The following NOL6 variants were observed in gnomAD, a reference collection of about 807,000 sequenced individuals.
NOL6 encodes nucleolar RNA-associated protein.
Under a neutral mutation model 131.7 loss-of-function variants are expected in NOL6, and 33 were observed. That is an observed-to-expected ratio of 0.25 (90% CI 0.19 to 0.33). The LOEUF (loss-of-function observed/expected upper bound fraction) is 0.33, where lower values mean the gene tolerates loss of function less well. Among genes scored for constraint, NOL6 ranks in the 10% least tolerant of loss-of-function variants. NOL6 has a pLI of 1.00. For synonymous variants in NOL6, 580 were observed against 605.7 expected (o/e 0.96, Z 0.62); for missense variants, 1,297 against 1,494.5 (o/e 0.87, Z 2.18).
chr9:33,466,425 C>T lies in NOL6; in HGVS notation c.2092G>A (p.Val698Met). 6.2e-7 allele frequency: 1 copy of T among 1,614,128 alleles called. No individual in the cohort carries two copies. Among genetic ancestry groups the T allele is most frequent in the Non-Finnish European group, 8.5e-7 (1 of 1,180,010 alleles). ...GGACGGACTGGAGTTGGTGGGAACACCTGTGGAAGAAGAGGGGCTGAGGAA... is the reference window on the plus strand; with the variant it reads ...GGACGGACTGGAGTTGGTGGGAACATCTGTGGAAGAAGAGGGGCTGAGGAA... ...GAHPVLRYTE[V>M]FPPTPVRPAF... The change falls in exon 17 of 26, where the codon GTG becomes ATG. Residue 698 changes from valine to methionine, a missense_variant and splice_region_variant. Coordinates refer to ENST00000297990, the MANE Select transcript of NOL6 (RefSeq NM_022917.5).
Position 33,464,910 on chromosome 9 carries a change from G to C in NOL6, c.2748C>G (p.Pro916=). Residue 916 remains proline (P), a synonymous_variant, in exon 21 of 26, where the codon CCC becomes CCG. Transcript: ENST00000297990. ...LVSTFDWKNN[P]LFVNLNNELT... is the part of the protein sequence containing the mutation. The stretch of plus-strand genomic sequence containing the variant: ...GCTCATTATTGAGGTTGACAAAGAG[G>C]GGGTTGTTCTTCCAATCAAACGTTG... 8.7e-6 allele frequency: 14 copies of C among 1,613,984 alleles called. No homozygotes were observed. The highest frequency in any genetic ancestry group is 1.1e-5 in the Non-Finnish European group (13 of 1,179,940).
Position 33,463,075 on chromosome 9 carries a change from A to C in NOL6, c.3249T>G (p.Gly1083=), listed in dbSNP as rs1183142289. The C allele has an allele frequency of 1.2e-6, 2 of 1,613,804 alleles. No homozygotes were observed. Among genetic ancestry groups the C allele is most frequent in the East Asian group, 2.2e-5 (1 of 44,886 alleles). The part of the protein sequence containing the change: ...FYDQHGGEVI[G]VLWKPTSFQP... ...GGAAGCTGGTGGGCTTCCAGAGGAC[A>C]CCAATCACCTCTCCACCATGCTGGT... is the stretch of plus-strand genomic sequence containing the variant. Residue 1083 remains glycine (G), a synonymous_variant, in exon 25 of 26, where the codon GGT becomes GGG. Transcript: ENST00000297990.
rs887626791 is a variant in NOL6 at position 33,467,598 on chromosome 9, G to C, written c.1603-82C>G. On this transcript the variant is annotated intron_variant, in intron 12 of 25. Transcript: ENST00000297990. The surrounding 1 kb of genome is among the most constrained non-coding windows in gnomAD (Gnocchi z 4.4). ...ACCTACTTTCTAGCTAGCTAGAAAC[G>C]CCTAGCTGGAGGAATGGTGTGTCCT... 6.3e-7 allele frequency: 1 copy of C among 1,578,506 alleles called. No individual in the cohort carries two copies. Among genetic ancestry groups the C allele is most frequent in the African/African-American group, 1.4e-5 (1 of 73,962 alleles).
chr9:33,467,135 A>G lies in NOL6; in HGVS notation c.1853T>C (p.Val618Ala). 1 of 1,614,182 alleles carries G rather than the reference A, an allele frequency of 6.2e-7. No homozygotes were observed. Among genetic ancestry groups the G allele is most frequent in the Non-Finnish European group, 8.5e-7 (1 of 1,180,044 alleles). Residue 618 changes from valine to alanine, a missense_variant, in exon 14 of 26, where the codon GTG (valine) becomes GCG (alanine). Transcript: ENST00000297990. The surrounding 1 kb of genome is among the most constrained non-coding windows in gnomAD (Gnocchi z 4.4). ...MSQKRLIPHQ[V>A]VTHLLALHAD... ...TCACAGTGCCAAGAGGTGGGTGACC[A>G]CCTGGTGGGGAATAAGGCGCTTCTG...
In NOL6 at chr9:33,468,311, C is replaced by G; in HGVS notation, c.1308+10G>C. 1 of 1,613,104 alleles carries G rather than the reference C, an allele frequency of 6.2e-7. No homozygotes were observed. The highest frequency in any genetic ancestry group is 1.7e-4 in the Middle Eastern group (1 of 6,054). On this transcript the variant is annotated intron_variant, in intron 10 of 25. Transcript: ENST00000297990. ...CATCAGGGGAACACAGATTGGGGGC[C>G]CATTGGTACCTGGTGGTAAGTAGAG...
In NOL6 at chr9:33,466,413, T is replaced by A; in HGVS notation, c.2104A>T (p.Thr702Ser). The change falls in exon 17 of 26, where the codon ACT becomes TCT. Residue 702 changes from threonine to serine, a missense_variant. By Grantham distance (58) the Thr-to-Ser change is moderately conservative (BLOSUM62 1). Coordinates refer to ENST00000297990, the MANE Select transcript of NOL6 (RefSeq NM_022917.5). ...VLRYTEVFPP[T>S]PVRPAFSFYE... ...AAGGAGAAGGCTGGACGGACTGGAG[T>A]TGGTGGGAACACCTGTGGAAGAAGA... 1 of 1,613,632 alleles carries A rather than the reference T, an allele frequency of 6.2e-7. No homozygotes were observed. Among genetic ancestry groups the A allele is most frequent in the Non-Finnish European group, 8.5e-7 (1 of 1,179,872 alleles).
intron 3 of NOL6, chr9:33,470,777 A>G (rs537421551): frequency 1.9e-5 from 1 of 51,646 alleles, no homozygotes; most frequent in East Asian, 5.0e-4. Flanking sequence ...AGAGAGAGGA[A>G]AAGATTTAAA....
At chr9:33,463,519 C>G in intron 23 of NOL6, 78 bp from the exon 24 acceptor site, 1 of 1,337,146 alleles carries the variant, frequency 7.5e-7, no homozygotes, top group Non-Finnish European at 1.0e-6. Context: ...CACACGCCCA[C>G]CTTGGTTTCC....
chr9:33,466,651 C>G lies in NOL6; in HGVS notation c.2009G>C (p.Ser670Thr). The G allele has an allele frequency of 3.1e-6, 5 of 1,614,048 alleles. No homozygotes were observed. Among genetic ancestry groups the G allele is most frequent in the Admixed American group, 1.7e-5 (1 of 60,022 alleles). The change falls in exon 16 of 26, where the codon AGT becomes ACT. Residue 670 changes from serine to threonine, a missense_variant. Transcript: ENST00000297990. The stretch of plus-strand genomic sequence containing the variant: ...ACCCTCTAGCCCCCACAGTAGGCGA[C>G]TGAGGTCGTCGTAGCAACGTACCGC... ...VAAVRCYDDL[S>T]RLLWGLEGLP...
chr9:33,471,121 A>G (rs184630478), intron 3 of NOL6, among the ~76,000 whole-genome samples: 54 of 152,196 alleles, frequency 3.5e-4, no homozygotes, highest in African/African-American at 1.2e-3. Flanking sequence ...AAAAATACCA[A>G]AAAAATTAGC....
At chr9:33,471,083 G>A (rs1270415195) in intron 3 of NOL6, among the ~76,000 whole-genome samples, 2 of 152,126 alleles carry the variant, frequency 1.3e-5, no homozygotes, top group Admixed American at 6.5e-5. Flanking sequence ...AACTAACCTG[G>A]CCAACATGGT....
intron 1 of NOL6, 45 bp from the exon 2 acceptor site, chr9:33,472,457 AGCATCT>A: frequency 6.6e-7 from 1 of 1,509,118 alleles, no homozygotes; most frequent in Non-Finnish European, 9.1e-7. Context: ...ATAGGTATCT[AGCATCT>A]GCTGCCTAAA....
intron 3 of NOL6, among the ~76,000 whole-genome samples, chr9:33,471,616 AC>A (rs1233983200): frequency 6.6e-6 from 1 of 151,952 alleles, no homozygotes; most frequent in East Asian, 1.9e-4. Flanking sequence ...CTTTGTGAAC[AC>A]CCCCTTTAAA....
chr9:33,464,694 C>G (rs1416864623), intron 21 of NOL6, among the ~76,000 whole-genome samples, 185 bp downstream of exon 21: 2 of 152,186 alleles, frequency 1.3e-5, no homozygotes, highest in Non-Finnish European at 2.9e-5. Context: ...CATTCTGTCT[C>G]TGACAATTAA....
rs1308704513 is a variant in NOL6 at position 33,463,853 on chromosome 9, G to A, written c.2972C>T (p.Pro991Leu). 12 of 1,613,940 alleles carry A rather than the reference G, an allele frequency of 7.4e-6. No homozygotes were observed. Among genetic ancestry groups the A allele is most frequent in the Non-Finnish European group, 1.0e-5 (12 of 1,180,014 alleles). The change falls in exon 23 of 26, where the codon CCC becomes CTC. Residue 991 changes from proline (P) to leucine (L), a missense_variant. Coordinates refer to ENST00000297990, the MANE Select transcript of NOL6 (RefSeq NM_022917.5). ...LPMLEKQLMDPRGPGDIRTVF... is the reference protein window; with the variant it reads ...LPMLEKQLMDLRGPGDIRTVF... The stretch of plus-strand genomic sequence containing the variant: ...TACCCTGATGTCCCCAGGTCCCCGG[G>A]GATCCATGAGCTGCTTCTCTAACAT...
rs1314447079 is a variant in NOL6 at position 33,472,499 on chromosome 9, A to G, written c.55-87T>C. The G allele has an allele frequency of 2.8e-6, 3 of 1,057,024 alleles. No homozygotes were observed. In the African/African-American group the frequency reaches 4.7e-5, roughly 17 times the overall value. The allele number at this position is 1,057,024 out of a possible 1,614,324, so 65.5% of individuals were successfully genotyped here. ...GTGCCACCATGATAGGTTGTGGGTAAAAGCTTCACCTGCTCTGTCCCTCTT... is the reference window on the plus strand; with the variant it reads ...GTGCCACCATGATAGGTTGTGGGTAGAAGCTTCACCTGCTCTGTCCCTCTT... On this transcript the variant is annotated intron_variant, in intron 1 of 25. Coordinates refer to ENST00000297990, the MANE Select transcript of NOL6 (RefSeq NM_022917.5).
At chr9:33,471,565 T>A (rs561044506) in intron 3 of NOL6, among the ~76,000 whole-genome samples, 15 of 152,356 alleles carry the variant, frequency 9.8e-5, no homozygotes, top group African/African-American at 3.6e-4. Context: ...CTGACTCACC[T>A]ACTTCAAGTC....
At position 33,467,371 on chromosome 9, in the gene NOL6, G is replaced by C; in HGVS notation, c.1725+23C>G. On this transcript the variant is annotated intron_variant, in intron 13 of 25. Transcript: ENST00000297990. The surrounding 1 kb of genome is among the most constrained non-coding windows in gnomAD (Gnocchi z 4.4). ...AGGACGAGCCACCCCATTCCTTCCA[G>C]TGTACATGCTGGGGTCCCCCACCTC... is the stretch of plus-strand genomic sequence containing the variant. 5 of 1,613,196 alleles carry C rather than the reference G, an allele frequency of 3.1e-6. No homozygotes were observed. The South Asian group carries it at 3.3e-5, about 11-fold the overall frequency.
At chr9:33,473,666 C>T in intron 1 of NOL6, 123 bp downstream of exon 1, 1 of 1,104,526 alleles carries the variant, frequency 9.1e-7, no homozygotes, top group South Asian at 1.4e-5. Flanking sequence ...TGGCTGGAAA[C>T]ATCCTCCAGA....
Sources: gnomAD v4.1 joint callset for allele counts (sites outside exome capture counted in the v4.1 genomes callset) on GRCh38, gnomAD v4.1.1 for gene constraint, Gnocchi (gnomAD v3.1) non-coding constraint, MANE v1.5 for transcripts, NCBI Gene and HGNC (gene_info 2026-07-23, HGNC 2026-07-21) for gene names.